HMGB1: variants seen among roughly 807,000 people sequenced by gnomAD.
HMGB1 encodes high mobility group protein B1.
For missense variants in HMGB1, 79 were observed against 253.5 expected (o/e 0.31, Z 4.67); for synonymous variants, 81 against 84.0 (o/e 0.96, Z 0.19).
At chr13:30,608,287 G>A (rs1950479513) in intron 1 of HMGB1, among the ~76,000 whole-genome samples, 1 of 151,962 alleles carries the variant, frequency 6.6e-6, no homozygotes. Flanking sequence ...GCTGTTTGGG[G>A]AATAATTTGT....
chr13:30,464,743 G>A (rs1020643984), intron 1 of HMGB1: 2 of 469,362 alleles, frequency 4.3e-6, no homozygotes, highest in Admixed American at 1.4e-4. Flanking sequence ...GCGCGAGCGA[G>A]AATATGGCTC....
chr13:30,578,368 C>CTTTTTTTTTTT (rs60947686), intron 1 of HMGB1, among the ~76,000 whole-genome samples: 30 of 59,324 alleles, frequency 5.1e-4, no homozygotes, highest in Non-Finnish European at 7.7e-4. Context: ...AGTTCTTGTT[C>CTTTTTTTTTTT]TTTTTTTTTT....
Position 30,464,569 on chromosome 13 carries a change from C to T in HMGB1, c.-14-875G>A, listed in dbSNP as rs909875585. 6 of 983,852 alleles carry T rather than the reference C, an allele frequency of 6.1e-6. No individual in the cohort carries two copies. In the African/African-American group the frequency reaches 1.1e-4, roughly 17 times the overall value. The allele number at this position is 983,852 out of a possible 1,614,324, so 60.9% of individuals were successfully genotyped here. On this transcript the variant is annotated intron_variant, in intron 1 of 4. Transcript: ENST00000341423. ...GAGGCCGCCACGTGCGCCCGGCAGG[C>T]CCTGCAGGCCCGCGCCGCCGCCGCC... is the stretch of plus-strand genomic sequence containing the variant.
intron 1 of HMGB1, among the ~76,000 whole-genome samples, chr13:30,533,069 C>T (rs757113930): frequency 6.6e-6 from 1 of 152,314 alleles, no homozygotes; most frequent in Non-Finnish European, 1.5e-5. Context: ...AAGCTTCACA[C>T]CCAGGTCCAG....
chr13:30,496,956 T>A (rs781240859), intron 1 of HMGB1, among the ~76,000 whole-genome samples: 2 of 152,026 alleles, frequency 1.3e-5, no homozygotes, highest in Non-Finnish European at 2.9e-5. Context: ...CTTTTATTCT[T>A]CTCTTCTTAG....
At chr13:30,564,779 A>T (rs115337635) in intron 1 of HMGB1, among the ~76,000 whole-genome samples, 3 of 152,222 alleles carry the variant, frequency 2.0e-5, no homozygotes, top group Non-Finnish European at 2.9e-5. Flanking sequence ...GTACTCTATG[A>T]TGCCTCATAG....
upstream of HMGB1, among the ~76,000 whole-genome samples, chr13:30,469,466 G>GGCACAATCTTGGATCACTGCAACCTC (rs1565997624): frequency 5.0e-5 from 6 of 119,458 alleles, no homozygotes; most frequent in South Asian, 6.7e-4. Context: ...TGTATTTTTT[G>GGCACAATCTTGGATCACTGCAACCTC]TTTTTTTTTT....
intron 1 of HMGB1, among the ~76,000 whole-genome samples, chr13:30,583,839 AAAAGAAAGAAAG>A (rs753686706): frequency 5.7e-4 from 78 of 137,716 alleles, no homozygotes; most frequent in South Asian, 1.9e-3. Flanking sequence ...AAAAAAAAAA[AAAAGAAAGAAAG>A]AAAGAAAGAA....
At chr13:30,503,647 CTTT>C (rs10590461) in intron 1 of HMGB1, among the ~76,000 whole-genome samples, 42,945 of 105,548 alleles carry the variant, frequency 0.41, 5,891 homozygotes, top group South Asian at 0.5. Flanking sequence ...TACTCAGCTT[CTTT>C]TTTTTTTTTT....
intron 1 of HMGB1, among the ~76,000 whole-genome samples, chr13:30,564,633 C>T (rs1044054172): frequency 1.3e-5 from 2 of 152,152 alleles, no homozygotes; most frequent in Non-Finnish European, 1.5e-5. Context: ...TCTATTGTGG[C>T]CACTAGTGGC....
At chr13:30,467,038 G>A (rs936311831), upstream of HMGB1, among the ~76,000 whole-genome samples, 2 of 152,312 alleles carry the variant, frequency 1.3e-5, no homozygotes, top group Admixed American at 6.5e-5. Flanking sequence ...CACAGGCTGT[G>A]GTTTCTCTAA....
chr13:30,581,635 T>C (rs1870905481), intron 1 of HMGB1, among the ~76,000 whole-genome samples: 1 of 152,224 alleles, frequency 6.6e-6, no homozygotes, highest in African/African-American at 2.4e-5. Flanking sequence ...TATTAGAAGT[T>C]AGACCAGCAG....
At chr13:30,474,951 C>CTTTTT (rs1887041427) in intron 1 of HMGB1, among the ~76,000 whole-genome samples, 11 of 28,068 alleles carry the variant, frequency 3.9e-4, no homozygotes, top group East Asian at 1.7e-3. Context: ...TTTTTCTTTT[C>CTTTTT]TTTTTTTGTT....
intron 1 of HMGB1, among the ~76,000 whole-genome samples, chr13:30,527,956 G>A (rs1248878084): frequency 1.3e-5 from 2 of 152,122 alleles, no homozygotes; most frequent in African/African-American, 4.8e-5. Context: ...AGGCAAACCA[G>A]GTGTTATTTC....
intron 1 of HMGB1, among the ~76,000 whole-genome samples, chr13:30,538,555 T>TTCTTTCTTTCTTTC (rs1404635787): frequency 1.0e-5 from 1 of 99,066 alleles, no homozygotes; most frequent in Admixed American, 9.9e-5. Flanking sequence ...CTTTCTTTCT[T>TTCTTTCTTTCTTTC]TTTCTTTCTT....
chr13:30,606,221 C>T (rs2137569642), intron 1 of HMGB1, among the ~76,000 whole-genome samples: 1 of 152,214 alleles, frequency 6.6e-6, no homozygotes, highest in East Asian at 1.9e-4. Context: ...GTAGTGAATA[C>T]ATTTATTACT....
chr13:30,594,360 T>C (rs1179355149), intron 1 of HMGB1, among the ~76,000 whole-genome samples: 1 of 152,106 alleles, frequency 6.6e-6, no homozygotes, highest in Non-Finnish European at 1.5e-5. Context: ...TTTTCAGCCC[T>C]TGCCCCCTCC....
At position 30,481,255 on chromosome 13, in the gene HMGB1, T is replaced by C. The variant is rs565198882; in HGVS notation, c.-14-17561A>G. Among the ~76,000 whole-genome samples, 15 of 138,978 alleles carry C rather than the reference T, an allele frequency of 1.1e-4. 1 individual carries two copies. The South Asian group carries it at 3.8e-3, about 35-fold the overall frequency. The allele number at this position is 138,978 out of a possible 152,430, so 91.2% of individuals were successfully genotyped here. ...TTCGATCTTTTTCAGAGGGATTTTT[T>C]GATGGAGAAAAAAAAAACACACAGA... On this transcript the variant is annotated intron_variant, in intron 1 of 4. Coordinates refer to the HMGB1 transcript ENST00000405805.
At chr13:30,495,085 A>G (rs1402685647) in intron 1 of HMGB1, among the ~76,000 whole-genome samples, 2 of 152,184 alleles carry the variant, frequency 1.3e-5, no homozygotes, top group African/African-American at 4.8e-5. Flanking sequence ...TCGACGGACA[A>G]TTGGGTCATC....
Sources: allele counts gnomAD v4.1 joint callset (sites outside exome capture counted in the v4.1 genomes callset), GRCh38; gene constraint gnomAD v4.1.1; transcripts MANE v1.5; gene names NCBI Gene and HGNC (gene_info 2026-07-23, HGNC 2026-07-21).